The following ACAN variants were observed in gnomAD, a reference collection of about 807,000 sequenced individuals.
The protein encoded by ACAN is aggrecan, also known as aggrecan core protein.
Under a neutral mutation model 169.1 loss-of-function variants are expected in ACAN, and 47 were observed. That is an observed-to-expected ratio of 0.28 (90% CI 0.22 to 0.35). The LOEUF is 0.35. Among genes scored for constraint, ACAN ranks in the 10% least tolerant of loss-of-function variants. The pLI, the probability that ACAN is intolerant of heterozygous loss-of-function variation, is 1.00. For missense variants in ACAN, 2,716 were observed against 2,759.9 expected (o/e 0.98, Z 0.36); for synonymous variants, 1,115 against 1,112.2 (o/e 1.00, Z -0.05).
Position 88,814,071 on chromosome 15 carries a change from A to G in ACAN, c.-8+10262A>G, listed in dbSNP as rs934312203. On this transcript the variant is annotated intron_variant, in intron 1 of 18. Transcript: ENST00000560601. The surrounding 1 kb of genome is among the most constrained non-coding windows in gnomAD (Gnocchi z 4.0). ...TTCAGCCATTGTCTTCCAGGAGTGG[A>G]TGGGATAGAAGGGCTCCAGGCTCAC... is the stretch of plus-strand genomic sequence containing the variant. 1.3e-5 allele frequency among the ~76,000 whole-genome samples: 2 copies of G among 152,172 alleles called. No homozygotes were observed. The highest frequency in any genetic ancestry group is 2.4e-5 in the African/African-American group (1 of 41,424).
chr15:88,840,558 C>A (rs986764712), intron 4 of ACAN, among the ~76,000 whole-genome samples: 1 of 152,072 alleles, frequency 6.6e-6, no homozygotes, highest in Non-Finnish European at 1.5e-5. Context: ...ATAAATTGAA[C>A]CCCTTGGTAC....
intron 1 of ACAN, among the ~76,000 whole-genome samples, chr15:88,816,714 C>T (rs1895950620): frequency 6.6e-6 from 1 of 152,134 alleles, no homozygotes; most frequent in South Asian, 2.1e-4. Context: ...CTGATATCTA[C>T]CATAAGAAAA....
At position 88,868,848 on chromosome 15, in the gene ACAN, T is replaced by C. The variant is rs1248758523; in HGVS notation, c.7060+519T>C. On this transcript the variant is annotated intron_variant, in intron 14 of 18. Transcript: ENST00000560601. The surrounding 1 kb of genome is among the most constrained non-coding windows in gnomAD (Gnocchi z 5.2). ...CCTGAGATCTCCCGTGTCATCAGCA[T>C]GCTCAAGTCATGCATGAGCAAGGAC... Among the ~76,000 whole-genome samples the C allele has an allele frequency of 2.0e-5, 3 of 152,228 alleles. No individual in the cohort carries two copies. The highest frequency in any genetic ancestry group is 2.9e-5 in the Non-Finnish European group (2 of 68,042).
intron 6 of ACAN, among the ~76,000 whole-genome samples, chr15:88,844,668 C>T (rs114868414): frequency 0.025 from 3,751 of 152,194 alleles, 160 homozygotes; most frequent in African/African-American, 0.086. Context: ...CCACCACGCC[C>T]GGCCACAAAA....
At chr15:88,832,635 G>T (rs16942277) in intron 1 of ACAN, among the ~76,000 whole-genome samples, 91,534 of 152,090 alleles carry the variant, frequency 0.6, 27,976 homozygotes, top group Middle Eastern at 0.73. Flanking sequence ...GATTCGGATT[G>T]TAGATGATGG....
At chr15:88,810,023 T>TTA (rs1895779439) in intron 1 of ACAN, among the ~76,000 whole-genome samples, 1 of 152,126 alleles carries the variant, frequency 6.6e-6, no homozygotes, top group Non-Finnish European at 1.5e-5. Context: ...TTTTACAGAG[T>TTA]CATGAAACAC....
chr15:88,860,457 C>A lies in ACAN; in HGVS notation c.6946+18C>A. On this transcript the variant is annotated intron_variant, in intron 13 of 18. Transcript: ENST00000560601. ...TAACATAGGTAAGGCCCTCATTGGC[C>A]GTGGAGAGTGAGGGCGGAGGCGCTG... 1.2e-6 allele frequency: 2 copies of A among 1,603,838 alleles called. No individual in the cohort carries two copies. The highest frequency in any genetic ancestry group is 1.7e-6 in the Non-Finnish European group (2 of 1,172,098).
At chr15:88,845,393 C>A (rs963513889) in intron 6 of ACAN, 112 bp from the exon 7 acceptor site, 10 of 1,458,026 alleles carry the variant, frequency 6.9e-6, no homozygotes, top group Admixed American at 2.5e-5. Context: ...GTGGTGCCCT[C>A]CTGCCCCAGC....
rs1357274164 is a variant in ACAN, at chr15:88,859,112, A to T, written c.6527A>T (p.Asp2176Val). The T allele has an allele frequency of 3.7e-6, 6 of 1,613,748 alleles. No homozygotes were observed. The highest frequency in any genetic ancestry group is 2.2e-5 in the East Asian group (1 of 44,906). ...EVSGESTTTS[D>V]VGTEAPGLPS... ...AGTGGAGAATCCACCACCACCAGTG[A>T]TGTGGGGACAGAGGCACCAGGCTTG... Residue 2176 changes from aspartate to valine, a missense_variant, in exon 12 of 19, where the codon GAT (aspartate) becomes GTT (valine). Transcript: ENST00000560601.
Position 88,839,833 on chromosome 15 carries a change from G to A in ACAN, c.455-179G>A, listed in dbSNP as rs1896603359. On this transcript the variant is annotated intron_variant, in intron 3 of 18. Coordinates refer to ENST00000560601, the MANE Select transcript of ACAN (RefSeq NM_001369268.1). This position sits in a 1 kb window ranked among gnomAD's most constrained non-coding sequence, Gnocchi z 4.5. ...TAAAGTAGTGAGCTCCCCATTACAGGGTGTTCCAGCAAATTCAGAAGGATC... is the reference window on the plus strand; with the variant it reads ...TAAAGTAGTGAGCTCCCCATTACAGAGTGTTCCAGCAAATTCAGAAGGATC... Among the ~76,000 whole-genome samples the A allele has an allele frequency of 6.6e-6, 1 of 152,144 alleles. No homozygotes were observed. The highest frequency in any genetic ancestry group is 1.5e-5 in the Non-Finnish European group (1 of 68,036).
intron 1 of ACAN, among the ~76,000 whole-genome samples, chr15:88,818,298 C>T (rs557108584): frequency 3.2e-4 from 49 of 152,360 alleles, no homozygotes; most frequent in Non-Finnish European, 5.6e-4. Flanking sequence ...ACTGTGAGTG[C>T]ATTCTTCCAT....
chr15:88,864,437 T>C (rs1231636222), intron 13 of ACAN, among the ~76,000 whole-genome samples: 5 of 152,070 alleles, frequency 3.3e-5, no homozygotes, highest in Non-Finnish European at 7.4e-5. Context: ...CTGCCTAATT[T>C]TTTGTATATT....
intron 1 of ACAN, among the ~76,000 whole-genome samples, chr15:88,823,181 G>A (rs1357159617): frequency 5.3e-5 from 8 of 152,222 alleles, no homozygotes; most frequent in Non-Finnish European, 1.2e-4. Flanking sequence ...AGGGTTGGCA[G>A]TCAGCGCCAA....
At chr15:88,816,656 C>T (rs891004302) in intron 1 of ACAN, among the ~76,000 whole-genome samples, 1 of 152,174 alleles carries the variant, frequency 6.6e-6, no homozygotes, top group Non-Finnish European at 1.5e-5. Flanking sequence ...CTGTTCCATG[C>T]ACTATGCTTA....
At position 88,851,731 on chromosome 15, in the gene ACAN, G is replaced by T; in HGVS notation, c.2027-63G>T. ...AGTCCCCTAGCTCCCCTCAAGAAGGGCCAGCCAAGGACGGGTCACTGGTAA... is the reference window on the plus strand; with the variant it reads ...AGTCCCCTAGCTCCCCTCAAGAAGGTCCAGCCAAGGACGGGTCACTGGTAA... On this transcript the variant is annotated intron_variant, in intron 10 of 18. Coordinates refer to ENST00000560601, the MANE Select transcript of ACAN (RefSeq NM_001369268.1). The surrounding 1 kb of genome is among the most constrained non-coding windows in gnomAD (Gnocchi z 4.3). The T allele has an allele frequency of 6.7e-7, 1 of 1,489,358 alleles. No individual in the cohort carries two copies. The allele number at this position is 1,489,358 out of a possible 1,614,324, so 92.3% of individuals were successfully genotyped here.
At chr15:88,818,205 A>G (rs1259211292) in intron 1 of ACAN, among the ~76,000 whole-genome samples, 3 of 152,206 alleles carry the variant, frequency 2.0e-5, no homozygotes, top group Non-Finnish European at 4.4e-5. Context: ...GGTAGGAGAG[A>G]GCCATGTCTG....
Position 88,868,479 on chromosome 15 carries a change from C to A in ACAN, c.7060+150C>A. 3 of 590,132 alleles carry A rather than the reference C, an allele frequency of 5.1e-6. No homozygotes were observed. The highest frequency in any genetic ancestry group is 6.0e-6 in the Non-Finnish European group (2 of 331,710). The allele number at this position is 590,132 out of a possible 1,614,324, so 36.6% of individuals were successfully genotyped here. A position where few individuals can be genotyped will look rare whatever the true frequency, so the allele number is the denominator to read the frequency against. ...ATTTCAGGGGCCACAACTGAAAATT[C>A]TGCCCCACTGATTCCCACTCTTTTT... On this transcript the variant is annotated intron_variant, in intron 14 of 18. Coordinates refer to ENST00000560601, the MANE Select transcript of ACAN (RefSeq NM_001369268.1). This position sits in a 1 kb window ranked among gnomAD's most constrained non-coding sequence, Gnocchi z 5.2.
intron 1 of ACAN, among the ~76,000 whole-genome samples, chr15:88,819,600 C>CAAAAAAAAAA (rs35471694): frequency 9.0e-6 from 1 of 111,128 alleles, no homozygotes; most frequent in African/African-American, 3.4e-5. Context: ...CTCGTCTCTA[C>CAAAAAAAAAA]AAAAAAAAAA....
rs1896771674 is a variant in ACAN at position 88,845,568 on chromosome 15, T to C, written c.1115T>C (p.Val372Ala). The change falls in exon 7 of 19, where the codon GTC becomes GCC. Residue 372 changes from valine to alanine, a missense_variant. Around this residue, in one of 3 missense-constraint regions of ACAN, gnomAD observed 1,283 missense variants for 1,281.5 expected, o/e 1.00. Transcript: ENST00000560601. ...FGVGGEEDITVQTVTWPDMEL... is the reference protein window; with the variant it reads ...FGVGGEEDITAQTVTWPDMEL... ...GTGGGGGGTGAGGAGGACATCACCG[T>C]CCAGACAGTGACCTGGCCTGACATG... 1 of 1,613,844 alleles carries C rather than the reference T, an allele frequency of 6.2e-7. No homozygotes were observed. Among genetic ancestry groups the C allele is most frequent in the African/African-American group, 1.3e-5 (1 of 74,932 alleles).
Sources: gnomAD v4.1 joint callset for allele counts (sites outside exome capture counted in the v4.1 genomes callset) on GRCh38, gnomAD v4.1.1 for gene constraint, gnomAD v4.1.1 regional missense constraint, Gnocchi (gnomAD v3.1) non-coding constraint, MANE v1.5 for transcripts, NCBI Gene and HGNC (gene_info 2026-07-23, HGNC 2026-07-21) for gene names.